HAS1: variants seen among roughly 807,000 people sequenced by gnomAD.
HAS1 encodes HA synthase 1.
HAS1 carries 27 observed loss-of-function variants against 35.0 expected under a neutral mutation model. The observed-to-expected ratio is 0.77, with a 90% CI of 0.57 to 1.06. The LOEUF (loss-of-function observed/expected upper bound fraction) is 1.06, where lower values mean the gene tolerates loss of function less well. HAS1 is among the 50% of genes least tolerant of loss of function. The pLI is 0.00. For synonymous variants in HAS1, 409 were observed against 371.2 expected, an observed-to-expected ratio of 1.10 and a Z score of -1.17; for missense variants, 940 against 814.8, an observed-to-expected ratio of 1.15 and a Z score of -1.87.
chr19:51,717,767 C>T (rs2122259747), intron 2 of HAS1, among the ~76,000 whole-genome samples: 1 of 152,254 alleles, frequency 6.6e-6, no homozygotes. Flanking sequence ...TTAAAAAAGA[C>T]CCAGCTCCAG....
At chr19:51,715,689 C>A (rs1382981837) in intron 4 of HAS1, among the ~76,000 whole-genome samples, 1 of 152,152 alleles carries the variant, frequency 6.6e-6, no homozygotes, top group East Asian at 1.9e-4. Context: ...GTGGACCTGG[C>A]TTTGCAGAAA....
At position 51,719,576 on chromosome 19, in the gene HAS1, A is replaced by C. The variant is rs1226899966; in HGVS notation, c.329T>G (p.Leu110Arg). Residue 110 changes from leucine (L) to arginine (R), a missense_variant, in exon 2 of 5, where the codon CTG (leucine) becomes CGG (arginine). Leu to Arg is a moderately radical substitution (Grantham distance 102, BLOSUM62 -2). Transcript: ENST00000540069. ...ISAYQEDPAYLRQCLASARAL... is the reference protein window; with the variant it reads ...ISAYQEDPAYRRQCLASARAL... ...GCGGGCGGACGCCAGGCACTGGCGC[A>C]GGTACGCGGGGTCCTCCTGGTAGGC... 6.5e-7 allele frequency: 1 copy of C among 1,543,976 alleles called. No individual in the cohort carries two copies. The highest frequency in any genetic ancestry group is 1.2e-5 in the South Asian group (1 of 83,212).
At chr19:51,716,208 A>G in intron 4 of HAS1, 48 bp downstream of exon 4, 2 of 1,542,044 alleles carry the variant, frequency 1.3e-6, no homozygotes, top group Non-Finnish European at 1.8e-6. Context: ...ACGCTAGGAT[A>G]TTCATTGGCC....
chr19:51,713,521 T>C lies in HAS1; in HGVS notation c.1640A>G (p.Tyr547Cys). Residue 547 changes from tyrosine (Y) to cysteine (C), a missense_variant, in exon 5 of 5, where the codon TAC becomes TGC. By Grantham distance (194) the Tyr-to-Cys change is radical. Coordinates refer to ENST00000540069, the MANE Select transcript of HAS1 (RefSeq NM_001297436.2). The surrounding 1 kb of genome is among the most constrained non-coding windows in gnomAD (Gnocchi z 4.5). ...AYHLAAGAGA[Y>C]VGYWVAMLTL... is the part of the protein sequence containing the mutation. ...CAACATGGCCACCCAGTAGCCCACG[T>C]AGGCGCCGGCCCCCGCGGCCAAGTG... 6.2e-7 allele frequency: 1 copy of C among 1,603,296 alleles called. No homozygotes were observed. Among genetic ancestry groups the C allele is most frequent in the Non-Finnish European group, 8.5e-7 (1 of 1,175,778 alleles).
In HAS1 at chr19:51,713,934, C is replaced by A; in HGVS notation, c.1227G>T (p.Leu409=). The change falls in exon 5 of 5, where the codon CTG becomes CTT. Residue 409 remains leucine (L), a synonymous_variant. Transcript: ENST00000540069. The surrounding 1 kb of genome is among the most constrained non-coding windows in gnomAD (Gnocchi z 4.5). ...WMTYEAVVSG[L]FPFFVAATVL... is the part of the protein sequence containing the mutation. ...CAGTGGCCGCCACGAAGAAGGGGAA[C>A]AGGCCGGAGACCACCGCCTCGTAGG... 1 of 1,609,642 alleles carries A rather than the reference C, an allele frequency of 6.2e-7. No individual in the cohort carries two copies. Among genetic ancestry groups the A allele is most frequent in the South Asian group, 1.1e-5 (1 of 91,088 alleles).
chr19:51,721,595 T>C (rs1309643713), intron 1 of HAS1, among the ~76,000 whole-genome samples: 1 of 152,046 alleles, frequency 6.6e-6, no homozygotes, highest in Non-Finnish European at 1.5e-5. Context: ...CTGGCTAACA[T>C]GGCGAAAGCA....
rs1448321690 is a variant in HAS1 at position 51,719,602 on chromosome 19, G to A, written c.303C>T (p.Ser101=). The part of the protein sequence containing the change: ...ATARSVALTI[S]AYQEDPAYLR... ...GGTACGCGGGGTCCTCCTGGTAGGCGGAGATGGTCAGCGCCACACTGCGCG... is the reference window on the plus strand; with the variant it reads ...GGTACGCGGGGTCCTCCTGGTAGGCAGAGATGGTCAGCGCCACACTGCGCG... The change falls in exon 2 of 5, where the codon TCC becomes TCT. Residue 101 remains serine (S), a synonymous_variant. Transcript: ENST00000540069. 1.8e-5 allele frequency: 28 copies of A among 1,541,080 alleles called. No individual in the cohort carries two copies. Among genetic ancestry groups the A allele is most frequent in the Non-Finnish European group, 2.4e-5 (28 of 1,143,504 alleles).
chr19:51,718,070 C>A, intron 2 of HAS1: 1 of 172,632 alleles, frequency 5.8e-6, no homozygotes, highest in Non-Finnish European at 1.3e-5. Flanking sequence ...AAACCCTGTC[C>A]CTGCAAAAAT....
intron 2 of HAS1, chr19:51,717,960 A>G (rs4363950): frequency 0.71 from 107,825 of 152,392 alleles, 38,700 homozygotes; most frequent in East Asian, 0.99. Context: ...ACACCAGGCC[A>G]GGTGTGGTGG....
At chr19:51,720,086 C>G (rs1468463597) in intron 1 of HAS1, 191 bp from the exon 2 acceptor site, 1 of 543,716 alleles carries the variant, frequency 1.8e-6, no homozygotes. Context: ...GTCTCTCTCT[C>G]TCTCTCGCTC....
At chr19:51,719,956 A>G in intron 1 of HAS1, 61 bp from the exon 2 acceptor site, 5 of 1,106,156 alleles carry the variant, frequency 4.5e-6, no homozygotes, top group Non-Finnish European at 6.3e-6. Flanking sequence ...GCCTCCTCCG[A>G]GAGAAGATTA....
intron 1 of HAS1, among the ~76,000 whole-genome samples, chr19:51,721,889 T>C (rs1185845469): frequency 1.3e-5 from 2 of 152,202 alleles, no homozygotes; most frequent in African/African-American, 4.8e-5. Flanking sequence ...AGGCGTGAGC[T>C]ACTGCACCCG....
Position 51,713,820 on chromosome 19 carries a change from G to A in HAS1, c.1341C>T (p.Phe447=). 1 of 1,606,688 alleles carries A rather than the reference G, an allele frequency of 6.2e-7. No individual in the cohort carries two copies. The highest frequency in any genetic ancestry group is 8.5e-7 in the Non-Finnish European group (1 of 1,178,110). The part of the protein sequence containing the change: ...VQGVALAKAA[F]AAWLRGCLRM... ...GCAGGCAGCCCCGCAGCCAGGCCGC[G>A]AAGGCCGCCTTGGCCAGTGCCACGC... The change falls in exon 5 of 5, where the codon TTC becomes TTT. Residue 447 remains phenylalanine, a synonymous_variant. Transcript: ENST00000540069. The surrounding 1 kb of genome is among the most constrained non-coding windows in gnomAD (Gnocchi z 4.5).
chr19:51,723,239 C>T lies in HAS1; in HGVS notation c.9+686G>A, dbSNP rs537036021. Among the ~76,000 whole-genome samples, 29 of 152,244 alleles carry T rather than the reference C, an allele frequency of 1.9e-4. No individual in the cohort carries two copies. In the East Asian group the frequency reaches 1.9e-3, roughly 10 times the overall value. ...CCACTCAGGCCAAACACAGCGATCC[C>T]GTGACCCCCACCGACGGCCACACAG... On this transcript the variant is annotated intron_variant, in intron 1 of 4. Transcript: ENST00000540069.
chr19:51,713,686 C>CG lies in HAS1; in HGVS notation c.1474dup (p.Arg492ProfsTer7), dbSNP rs753854889. ...GACGTAGTTAGCGGCCAGCTTCCGC[C>CG]GGCCCGAGGTGCCCCAGCCACTCTG... On this transcript the variant is annotated frameshift_variant, in exon 5 of 5. Transcript: ENST00000540069. LOFTEE classifies it low-confidence loss of function (END_TRUNC). This position sits in a 1 kb window ranked among gnomAD's most constrained non-coding sequence, Gnocchi z 4.5. 6.3e-7 allele frequency: 1 copy of CG among 1,589,428 alleles called. No homozygotes were observed. Among genetic ancestry groups the CG allele is most frequent in the South Asian group, 1.1e-5 (1 of 88,354 alleles).
Position 51,717,129 on chromosome 19 carries a change from T to C in HAS1, c.764A>G (p.Glu255Gly). 6.2e-7 allele frequency: 1 copy of C among 1,614,048 alleles called. No homozygotes were observed. The part of the protein sequence containing the change: ...ALLELVRVLD[E>G]DPRVGAVGGD... Reference sequence around the variant, plus strand: ...ACCAACAGCCCCTACCCGGGGGTCCTCGTCCAGTACCCGCACGAGCTCCAG... The same window carrying C: ...ACCAACAGCCCCTACCCGGGGGTCCCCGTCCAGTACCCGCACGAGCTCCAG... The change falls in exon 3 of 5, where the codon GAG becomes GGG. Residue 255 changes from glutamate to glycine, a missense_variant. Glu to Gly is a moderately conservative substitution (Grantham distance 98). Transcript: ENST00000540069.
intron 1 of HAS1, among the ~76,000 whole-genome samples, chr19:51,721,340 T>G (rs1433354429): frequency 6.6e-6 from 1 of 152,160 alleles, no homozygotes; most frequent in African/African-American, 2.4e-5. Flanking sequence ...CTGGTTCTCC[T>G]TTTCCACTGC....
At position 51,714,134 on chromosome 19, in the gene HAS1, G is replaced by A. The variant is rs140663820; in HGVS notation, c.1059-32C>T. On this transcript the variant is annotated intron_variant, in intron 4 of 4. Transcript: ENST00000540069. ...GGGGGCGAGGAATGAGGGCATCATCGCGTGCTCCCTGGGGCCTGGGCAGGA... is the reference window on the plus strand; with the variant it reads ...GGGGGCGAGGAATGAGGGCATCATCACGTGCTCCCTGGGGCCTGGGCAGGA... The A allele has an allele frequency of 4.0e-4, 632 of 1,595,078 alleles. 3 individuals are homozygous for A. In the Middle Eastern group the frequency reaches 5.8e-3, roughly 15 times the overall value.
rs749727848 is a variant in HAS1 at position 51,719,813 on chromosome 19, A to T, written c.92T>A (p.Ile31Asn). 1 of 1,557,862 alleles carries T rather than the reference A, an allele frequency of 6.4e-7. No homozygotes were observed. Among genetic ancestry groups the T allele is most frequent in the South Asian group, 1.2e-5 (1 of 85,098 alleles). Reference protein sequence around the residue: ...RVLTIAFALLILGLMTWAYAA... With the variant: ...RVLTIAFALLNLGLMTWAYAA... Reference sequence around the variant, plus strand: ...GTAGGCCCAGGTCATGAGGCCCAGGATGAGCAGGGCGAAGGCGATGGTCAG... The same window carrying T: ...GTAGGCCCAGGTCATGAGGCCCAGGTTGAGCAGGGCGAAGGCGATGGTCAG... The change falls in exon 2 of 5, where the codon ATC becomes AAC. Residue 31 changes from isoleucine (I) to asparagine (N), a missense_variant. Transcript: ENST00000540069.
Sources: gnomAD v4.1 joint callset for allele counts (sites outside exome capture counted in the v4.1 genomes callset) on GRCh38, gnomAD v4.1.1 for gene constraint, Gnocchi (gnomAD v3.1) non-coding constraint, MANE v1.5 for transcripts, NCBI Gene and HGNC (gene_info 2026-07-23, HGNC 2026-07-21) for gene names.